The following OPCML variants were observed in gnomAD, a reference collection of about 807,000 sequenced individuals.
The protein encoded by OPCML is opioid binding protein/cell adhesion molecule like.
Under a neutral mutation model 37.8 loss-of-function variants are expected in OPCML, and 13 were observed. That is an observed-to-expected ratio of 0.34 (90% CI 0.22 to 0.55). The LOEUF (loss-of-function observed/expected upper bound fraction) is 0.55. Ranked by LOEUF, OPCML falls within the 20% of genes least tolerant of loss-of-function variation. The pLI, the probability that OPCML is intolerant of heterozygous loss-of-function variation, is 0.91. For missense variants in OPCML, 341 were observed against 435.6 expected (o/e 0.78, Z 1.93); for synonymous variants, 176 against 168.8 (o/e 1.04, Z -0.33).
chr11:132,644,413 T>A (rs966432477), intron 3 of OPCML, among the ~76,000 whole-genome samples: 8 of 152,046 alleles, frequency 5.3e-5, no homozygotes, highest in South Asian at 2.1e-4. Flanking sequence ...ACCTGCGGAT[T>A]TTAGGTTACC....
chr11:133,130,234 T>C (rs1317385766), intron 1 of OPCML, among the ~76,000 whole-genome samples: 1 of 150,226 alleles, frequency 6.7e-6, no homozygotes, highest in Non-Finnish European at 1.5e-5. Flanking sequence ...TACACAACAA[T>C]AAAAACTACT....
At chr11:132,682,587 C>CA (rs1375401101) in intron 2 of OPCML, among the ~76,000 whole-genome samples, 3 of 152,144 alleles carry the variant, frequency 2.0e-5, no homozygotes, top group African/African-American at 7.2e-5. Flanking sequence ...CTGCTTATGG[C>CA]AAACTCAAAG....
At chr11:132,647,384 G>A (rs747215882) in intron 3 of OPCML, among the ~76,000 whole-genome samples, 16 of 152,098 alleles carry the variant, frequency 1.1e-4, no homozygotes, top group Non-Finnish European at 2.2e-4. Context: ...AATAATATAA[G>A]GGCTGGGGGT....
chr11:133,315,238 T>A (rs1943177858), intron 1 of OPCML, among the ~76,000 whole-genome samples: 1 of 152,202 alleles, frequency 6.6e-6, no homozygotes, highest in African/African-American at 2.4e-5. Flanking sequence ...TGTGCACTTT[T>A]TAAAGTGGAA....
intron 2 of OPCML, among the ~76,000 whole-genome samples, chr11:132,750,025 G>A (rs981259448): frequency 3.9e-5 from 6 of 152,080 alleles, no homozygotes; most frequent in African/African-American, 1.4e-4. Flanking sequence ...TGGGATTACA[G>A]GTGCCTGCCA....
At chr11:132,686,664 C>A (rs914902657) in intron 2 of OPCML, among the ~76,000 whole-genome samples, 2 of 152,184 alleles carry the variant, frequency 1.3e-5, no homozygotes, top group Admixed American at 6.5e-5. Context: ...TCTCCTATTC[C>A]CATTCCCCAG....
chr11:133,286,935 G>C (rs1198291616), intron 1 of OPCML, among the ~76,000 whole-genome samples: 1 of 152,184 alleles, frequency 6.6e-6, no homozygotes, highest in East Asian at 1.9e-4. Flanking sequence ...ATATCACTGA[G>C]AGAATTAAAG....
At chr11:133,423,020 C>A in intron 1 of OPCML, 1 of 985,302 alleles carries the variant, frequency 1.0e-6, no homozygotes, top group Non-Finnish European at 1.2e-6. Context: ...CTCCACTGTG[C>A]CATCCAAGGA....
chr11:133,441,243 A>G (rs1278313921), intron 1 of OPCML, among the ~76,000 whole-genome samples: 1 of 152,062 alleles, frequency 6.6e-6, no homozygotes, highest in Non-Finnish European at 1.5e-5. Context: ...CCCAAGAATG[A>G]CATGAAAATT....
At chr11:132,675,197 AT>A (rs1942648820) in intron 2 of OPCML, among the ~76,000 whole-genome samples, 2 of 149,164 alleles carry the variant, frequency 1.3e-5, no homozygotes, top group African/African-American at 4.9e-5. Flanking sequence ...ATATATATAT[AT>A]AACTTTACAT....
Position 133,173,490 on chromosome 11 carries a change from A to G in OPCML, c.62-230480T>C, listed in dbSNP as rs1426032370. Among the ~76,000 whole-genome samples the G allele has an allele frequency of 1.3e-5, 2 of 152,212 alleles. No homozygotes were observed. The highest frequency in any genetic ancestry group is 2.4e-5 in the African/African-American group (1 of 41,460). On this transcript the variant is annotated intron_variant, in intron 1 of 7. Transcript: ENST00000524381. The surrounding 1 kb of genome is among the most constrained non-coding windows in gnomAD (Gnocchi z 7.8). ...AGCCACAGATGGATTCCTAGAATCT[A>G]CAGCAGAGTGTCCCCAACAATCTTT...
chr11:133,318,501 C>T (rs1030577974), intron 1 of OPCML, among the ~76,000 whole-genome samples: 2 of 3,340 alleles, frequency 6.0e-4, no homozygotes, highest in Non-Finnish European at 0.028. Flanking sequence ...TTTCCATCCA[C>T]TGACCCCCCA....
intron 3 of OPCML, among the ~76,000 whole-genome samples, chr11:132,561,596 C>T (rs1018980311): frequency 6.6e-6 from 1 of 152,230 alleles, no homozygotes; most frequent in Non-Finnish European, 1.5e-5. Context: ...TTCATTAGCA[C>T]ACAATGCTGG....
chr11:132,420,281 A>C lies in OPCML; in HGVS notation c.929T>G (p.Val310Gly), dbSNP rs994520923. 6.2e-7 allele frequency: 1 copy of C among 1,613,826 alleles called. No individual in the cohort carries two copies. The highest frequency in any genetic ancestry group is 1.3e-5 in the African/African-American group (1 of 75,032). Reference sequence around the variant, plus strand: ...GGAGGCCGAGTTTACACCATCAATGACTGCTCCAGGCCCTGTGTAGGGGAG... The same window carrying C: ...GGAGGCCGAGTTTACACCATCAATGCCTGCTCCAGGCCCTGTGTAGGGGAG... ...ASITLYGPGAVIDGVNSASRA... is the reference protein window; with the variant it reads ...ASITLYGPGAGIDGVNSASRA... The change falls in exon 8 of 8, where the codon GTC (valine) becomes GGC (glycine). Residue 310 changes from valine (V) to glycine (G), a missense_variant. Physicochemically the swap from Val to Gly is moderately radical, Grantham distance 109. Coordinates refer to ENST00000524381, the MANE Select transcript of OPCML (RefSeq NM_001012393.5).
At chr11:133,063,167 G>A (rs1948380144) in intron 1 of OPCML, among the ~76,000 whole-genome samples, 1 of 152,174 alleles carries the variant, frequency 6.6e-6, no homozygotes, top group Non-Finnish European at 1.5e-5. Flanking sequence ...CTCTTTCTAG[G>A]GGCTCCAGTC....
At chr11:133,247,354 C>A (rs1940962024) in intron 1 of OPCML, among the ~76,000 whole-genome samples, 1 of 152,128 alleles carries the variant, frequency 6.6e-6, no homozygotes, top group South Asian at 2.1e-4. Flanking sequence ...TATACACCTA[C>A]TATATATCCT....
intron 1 of OPCML, among the ~76,000 whole-genome samples, chr11:133,144,615 T>C (rs1949872832): frequency 6.6e-6 from 1 of 152,242 alleles, no homozygotes; most frequent in Admixed American, 6.5e-5. Context: ...TTCGTAAGCA[T>C]TTGTCGAGTG....
intron 1 of OPCML, among the ~76,000 whole-genome samples, chr11:133,331,976 A>C (rs566515157): frequency 9.2e-5 from 14 of 152,088 alleles, no homozygotes; most frequent in Non-Finnish European, 4.4e-5. Flanking sequence ...GAAGAGTGTC[A>C]TTCGTAGTTT....
chr11:133,162,723 T>C (rs576733305), intron 1 of OPCML, among the ~76,000 whole-genome samples: 43 of 144,604 alleles, frequency 3.0e-4, no homozygotes, highest in African/African-American at 8.1e-4. Flanking sequence ...GCCGGAAAGA[T>C]AGCAGAGGCT....
Sources: gnomAD v4.1 joint callset for allele counts (sites outside exome capture counted in the v4.1 genomes callset) on GRCh38, gnomAD v4.1.1 for gene constraint, Gnocchi (gnomAD v3.1) non-coding constraint, MANE v1.5 for transcripts, NCBI Gene and HGNC (gene_info 2026-07-23, HGNC 2026-07-21) for gene names.